Variants in NOMO1 observed in about 807,000 individuals in gnomAD.
NOMO1 encodes the protein NODAL modulator 1, also known as nodal modulator 3.
Under a neutral mutation model 133.8 loss-of-function variants are expected in NOMO1, and 40 were observed. The ratio of observed to expected loss-of-function variants is 0.30; its 90% CI spans 0.23 to 0.39. The LOEUF is 0.39. Among genes scored for constraint, NOMO1 ranks in the 10% least tolerant of loss-of-function variants. The pLI, the probability that NOMO1 is intolerant of heterozygous loss-of-function variation, is 1.00. For missense variants in NOMO1, 462 were observed against 1,419.9 expected, an observed-to-expected ratio of 0.33 and a Z score of 10.84; for synonymous variants, 236 against 570.5, an observed-to-expected ratio of 0.41 and a Z score of 8.36.
At chr16:14,883,822 T>C (rs921599682) in intron 26 of NOMO1, among the ~76,000 whole-genome samples, 15 of 150,792 alleles carry the variant, frequency 9.9e-5, no homozygotes, top group African/African-American at 3.7e-4. Flanking sequence ...GCAAACTCCA[T>C]GTACAGACCT....
intron 6 of NOMO1, among the ~76,000 whole-genome samples, chr16:14,850,529 G>A (rs1178892998): frequency 6.6e-6 from 1 of 150,650 alleles, no homozygotes; most frequent in African/African-American, 2.5e-5. Context: ...TGTAATAGCC[G>A]TGAAAGACCA....
chr16:14,896,016 C>G lies in NOMO1; in HGVS notation c.*371C>G. 6.2e-7 allele frequency: 1 copy of G among 1,611,862 alleles called. No individual in the cohort carries two copies. Among genetic ancestry groups the G allele is most frequent in the Non-Finnish European group, 8.5e-7 (1 of 1,179,802 alleles). On this transcript the variant is annotated 3_prime_UTR_variant, in exon 31 of 31. Transcript: ENST00000287667. The stretch of plus-strand genomic sequence containing the variant: ...GTTCCAGTTGACGTGGTGTTTGGTT[C>G]CATGGCGGGGTACCCTAGGGATTCA...
rs574962193 is a variant in NOMO1 at position 14,844,964 on chromosome 16, G to A, written c.402+190G>A. On this transcript the variant is annotated intron_variant, in intron 4 of 30. Coordinates refer to ENST00000287667, the MANE Select transcript of NOMO1 (RefSeq NM_014287.4). The stretch of plus-strand genomic sequence containing the variant: ...ACGCAGCAGGTGTATTTAGGAATGA[G>A]ATTGAGGTTGCTGGTCATCCCCTCT... 4.3e-4 allele frequency among the ~76,000 whole-genome samples: 65 copies of A among 152,112 alleles called. 1 individual carries two copies. The highest frequency in any genetic ancestry group is 1.5e-3 in the African/African-American group (61 of 41,450).
chr16:14,887,790 C>T (rs945628970), intron 28 of NOMO1, among the ~76,000 whole-genome samples: 3 of 152,032 alleles, frequency 2.0e-5, no homozygotes, highest in African/African-American at 7.3e-5. Flanking sequence ...ATTTAACATT[C>T]TGCTATTGAG....
rs1301277242 is a variant in NOMO1 at position 14,896,043 on chromosome 16, CT to C, written c.*399del. 1.9e-6 allele frequency: 3 copies of C among 1,612,010 alleles called. No homozygotes were observed. In the African/African-American group the frequency reaches 4.0e-5, roughly 22 times the overall value. On this transcript the variant is annotated 3_prime_UTR_variant, in exon 31 of 31. Coordinates refer to ENST00000287667, the MANE Select transcript of NOMO1 (RefSeq NM_014287.4). Reference sequence around the variant, plus strand: ...ATGGCGGGGTACCCTAGGGATTCATCTGTTTTCTTCACTTCCCTTTGCATCT... The same window carrying C: ...ATGGCGGGGTACCCTAGGGATTCATCGTTTTCTTCACTTCCCTTTGCATCT...
At chr16:14,882,902 T>G (rs1301455746) in intron 26 of NOMO1, among the ~76,000 whole-genome samples, 1 of 152,052 alleles carries the variant, frequency 6.6e-6, no homozygotes, top group Non-Finnish European at 1.5e-5. Flanking sequence ...AACTGTTGTA[T>G]CCTCCCCGCG....
intron 27 of NOMO1, among the ~76,000 whole-genome samples, chr16:14,884,762 A>G (rs2151010478): frequency 6.6e-6 from 1 of 152,150 alleles, no homozygotes; most frequent in East Asian, 1.9e-4. Context: ...TAGAAGCCTG[A>G]TCAATGATCA....
At chr16:14,839,749 CT>C (rs993794776) in intron 2 of NOMO1, among the ~76,000 whole-genome samples, 10 of 148,146 alleles carry the variant, frequency 6.8e-5, no homozygotes, top group Non-Finnish European at 7.5e-5. Context: ...ACTTTTTTTT[CT>C]TTTTTTTTTG....
At chr16:14,855,469 T>C (rs1159579075) in intron 9 of NOMO1, among the ~76,000 whole-genome samples, 1 of 151,816 alleles carries the variant, frequency 6.6e-6, no homozygotes, top group African/African-American at 2.4e-5. Context: ...ATCACTTTCT[T>C]TTAATATTAC....
chr16:14,836,658 T>G (rs1308475528), intron 1 of NOMO1, among the ~76,000 whole-genome samples: 3 of 151,892 alleles, frequency 2.0e-5, no homozygotes, highest in African/African-American at 4.8e-5. Flanking sequence ...CAGAGAGAGA[T>G]ATTAAATAGT....
chr16:14,845,361 G>A (rs569927611), intron 4 of NOMO1, among the ~76,000 whole-genome samples: 1 of 152,044 alleles, frequency 6.6e-6, no homozygotes, highest in East Asian at 1.9e-4. Flanking sequence ...TGTCAGGGAT[G>A]GCCTTTTACA....
chr16:14,853,372 A>G, intron 7 of NOMO1, 95 bp from the exon 8 acceptor site: 1 of 902,432 alleles, frequency 1.1e-6, no homozygotes, highest in South Asian at 1.7e-5. Context: ...ATTGACATGA[A>G]ACTTAAAAAA....
At chr16:14,867,174 A>G (rs374476400) in intron 15 of NOMO1, among the ~76,000 whole-genome samples, 1,115 of 13,818 alleles carry the variant, frequency 0.081, 5 homozygotes, top group African/African-American at 0.16. Context: ...ATATATATAT[A>G]TATTTTTTTT....
At chr16:14,874,748 G>T (rs2151005885) in intron 18 of NOMO1, among the ~76,000 whole-genome samples, 1 of 152,034 alleles carries the variant, frequency 6.6e-6, no homozygotes, top group Non-Finnish European at 1.5e-5. Flanking sequence ...TGGTGGTGTG[G>T]AGAAAACTCC....
In NOMO1 at chr16:14,866,840, A is replaced by G. The variant is rs1285508282; in HGVS notation, c.1806+149A>G. On this transcript the variant is annotated intron_variant, in intron 15 of 30. Coordinates refer to ENST00000287667, the MANE Select transcript of NOMO1 (RefSeq NM_014287.4). ...TCGCCCACCTGTTACGCAACGCATA[A>G]TCAGGAAGCATTTATACTCTCTCAG... 17 of 1,534,362 alleles carry G rather than the reference A, an allele frequency of 1.1e-5. 2 individuals are homozygous for G. In the East Asian group the frequency reaches 3.8e-4, roughly 34 times the overall value.
At chr16:14,838,557 A>C (rs1238323708) in intron 2 of NOMO1, 61 bp downstream of exon 2, 2 of 1,611,728 alleles carry the variant, frequency 1.2e-6, no homozygotes, top group African/African-American at 2.7e-5. Flanking sequence ...ACCAGGCTGC[A>C]TTAACCATGC....
At chr16:14,887,406 G>A (rs1172465005) in intron 28 of NOMO1, among the ~76,000 whole-genome samples, 1 of 151,298 alleles carries the variant, frequency 6.6e-6, no homozygotes, top group African/African-American at 2.4e-5. Context: ...CCATTCTCCT[G>A]CCTCAGCCTC....
chr16:14,840,518 C>T (rs1280474612), intron 2 of NOMO1, among the ~76,000 whole-genome samples: 9 of 126,166 alleles, frequency 7.1e-5, no homozygotes, highest in South Asian at 5.6e-4. Flanking sequence ...ACCCAGGAGA[C>T]GGAGGTTGCA....
At chr16:14,862,878 A>G (rs1466519642) in intron 11 of NOMO1, 135 bp from the exon 12 acceptor site, 1 of 917,058 alleles carries the variant, frequency 1.1e-6, no homozygotes, top group Non-Finnish European at 1.7e-6. Context: ...TCTGGACTGC[A>G]TTCTGTCTCT....
Sources: allele counts gnomAD v4.1 joint callset (sites outside exome capture counted in the v4.1 genomes callset), GRCh38; gene constraint gnomAD v4.1.1; transcripts MANE v1.5; gene names NCBI Gene and HGNC (gene_info 2026-07-23, HGNC 2026-07-21).